Variants in AKAP13 observed in about 807,000 individuals in gnomAD.
The protein encoded by AKAP13 is A-kinase anchor protein 13.
In AKAP13, 80 loss-of-function variants were observed where a neutral mutation model predicts 264.5. The observed-to-expected ratio is 0.30, with a 90% CI of 0.25 to 0.36. AKAP13 has a LOEUF of 0.36. AKAP13 is among the 10% of genes least tolerant of loss of function. AKAP13 has a pLI of 1.00. For synonymous variants in AKAP13, 1,380 were observed against 1,250.2 expected, an observed-to-expected ratio of 1.10 and a Z score of -2.19; for missense variants, 3,712 against 3,435.2, an observed-to-expected ratio of 1.08 and a Z score of -2.01.
chr15:85,585,424 A>T (rs2079299211), intron 7 of AKAP13, among the ~76,000 whole-genome samples: 1 of 152,222 alleles, frequency 6.6e-6, no homozygotes, highest in Non-Finnish European at 1.5e-5. Context: ...ATTTGTCATA[A>T]AAAGTCAATA....
intron 3 of AKAP13, among the ~76,000 whole-genome samples, chr15:85,522,174 C>T (rs529905581): frequency 1.1e-4 from 17 of 152,246 alleles, no homozygotes; most frequent in African/African-American, 4.1e-4. Context: ...GAAACAGCTT[C>T]TTAACCTAGG....
rs771276525 is a variant in AKAP13 at position 85,579,389 on chromosome 15, A to G, written c.1321A>G (p.Ser441Gly). ...GMPTDQESLS[S>G]GDAVLQRDLV... ...GCCCACAGACCAGGAGTCCCTGAGC[A>G]GTGGAGATGCTGTGCTTCAGAGAGA... is the stretch of plus-strand genomic sequence containing the variant. The change falls in exon 7 of 37, where the codon AGT (serine) becomes GGT (glycine). Residue 441 changes from serine to glycine, a missense_variant. This residue lies in a region of AKAP13 where 2,759 missense variants were observed against 2,411.7 expected (regional missense o/e 1.14). Coordinates refer to ENST00000394518, the MANE Select transcript of AKAP13 (RefSeq NM_007200.5). The G allele has an allele frequency of 5.0e-6, 8 of 1,614,046 alleles. No homozygotes were observed. The Admixed American group carries it at 1.0e-4, about 20-fold the overall frequency.
At position 85,510,945 on chromosome 15, in the gene AKAP13, C is replaced by T. The variant is rs143017044; in HGVS notation, c.34-10483C>T. ...TGGCAAATCCCATGTTTTTAGGTGGCGCTTGAGTTTGGGTTCCTCTTGGGT... is the reference window on the plus strand; with the variant it reads ...TGGCAAATCCCATGTTTTTAGGTGGTGCTTGAGTTTGGGTTCCTCTTGGGT... On this transcript the variant is annotated intron_variant, in intron 2 of 36. Transcript: ENST00000394518. Among the ~76,000 whole-genome samples the T allele has an allele frequency of 7.2e-5, 11 of 152,088 alleles. 1 individual carries two copies. The highest frequency in any genetic ancestry group is 2.6e-4 in the Admixed American group (4 of 15,270).
chr15:85,505,505 A>G lies in AKAP13; in HGVS notation c.34-15923A>G, dbSNP rs1233102849. Among the ~76,000 whole-genome samples, 6 of 152,358 alleles carry G rather than the reference A, an allele frequency of 3.9e-5. No individual in the cohort carries two copies. The East Asian group carries it at 7.7e-4, about 20-fold the overall frequency. ...ACAGGTTATAGGGATTTCATTGGCCAGTATCTTTATTGGGCAAAAGATTAG... is the reference window on the plus strand; with the variant it reads ...ACAGGTTATAGGGATTTCATTGGCCGGTATCTTTATTGGGCAAAAGATTAG... On this transcript the variant is annotated intron_variant, in intron 2 of 36. Coordinates refer to ENST00000394518, the MANE Select transcript of AKAP13 (RefSeq NM_007200.5).
At chr15:85,465,307 G>C (rs1292489867) in intron 1 of AKAP13, among the ~76,000 whole-genome samples, 1 of 151,964 alleles carries the variant, frequency 6.6e-6, no homozygotes, top group Non-Finnish European at 1.5e-5. Flanking sequence ...GTAGGCTAGA[G>C]ATCTTTTAAA....
intron 3 of AKAP13, among the ~76,000 whole-genome samples, chr15:85,524,647 G>C (rs1046580156): frequency 2.0e-5 from 3 of 152,104 alleles, no homozygotes; most frequent in African/African-American, 7.2e-5. Context: ...ATGTTAGTCT[G>C]TAACCTTTTA....
chr15:85,517,153 T>C (rs979126356), intron 2 of AKAP13, among the ~76,000 whole-genome samples: 1 of 152,218 alleles, frequency 6.6e-6, no homozygotes, highest in Non-Finnish European at 1.5e-5. Context: ...TGAAAATCTA[T>C]GGCTGACACT....
At chr15:85,738,567 G>T (rs1354819572) in intron 33 of AKAP13, among the ~76,000 whole-genome samples, 1 of 151,962 alleles carries the variant, frequency 6.6e-6, no homozygotes, top group Non-Finnish European at 1.5e-5. Flanking sequence ...AATAGCTACC[G>T]TTAAATGTTT....
chr15:85,677,690 C>T (rs1427939763), intron 14 of AKAP13, among the ~76,000 whole-genome samples: 3 of 147,048 alleles, frequency 2.0e-5, no homozygotes, highest in Non-Finnish European at 4.5e-5. Flanking sequence ...CTCACTCTGT[C>T]GCCCAGGCTG....
intron 8 of AKAP13, among the ~76,000 whole-genome samples, chr15:85,601,648 G>GTGTT (rs1228684653): frequency 1.4e-5 from 2 of 147,768 alleles, no homozygotes; most frequent in African/African-American, 2.5e-5. Flanking sequence ...GTGTGTGTGT[G>GTGTT]TTTTTCTTCC....
intron 1 of AKAP13, among the ~76,000 whole-genome samples, chr15:85,428,525 T>G (rs1007353759): frequency 6.6e-6 from 1 of 152,252 alleles, no homozygotes; most frequent in Non-Finnish European, 1.5e-5. Context: ...CTGTGAAGGC[T>G]GGAAGCTGTT....
At chr15:85,617,993 T>C (rs1009432733) in intron 8 of AKAP13, among the ~76,000 whole-genome samples, 2 of 152,224 alleles carry the variant, frequency 1.3e-5, no homozygotes, top group Non-Finnish European at 2.9e-5. Flanking sequence ...CACATGTTGG[T>C]ACCACTACAG....
intron 1 of AKAP13, among the ~76,000 whole-genome samples, chr15:85,423,343 A>G (rs1244067879): frequency 6.6e-6 from 1 of 152,226 alleles, no homozygotes. Context: ...CCCTGCTGCT[A>G]GTTGATCAAC....
intron 5 of AKAP13, among the ~76,000 whole-genome samples, chr15:85,574,702 G>A (rs1323844472): frequency 6.6e-6 from 1 of 152,166 alleles, no homozygotes; most frequent in Admixed American, 6.5e-5. Flanking sequence ...GTTGGAGTGA[G>A]TGGTTCTTCT....
chr15:85,540,418 T>TA (rs2077546530), intron 4 of AKAP13, among the ~76,000 whole-genome samples: 1 of 152,170 alleles, frequency 6.6e-6, no homozygotes, highest in Admixed American at 6.5e-5. Context: ...AAGCTATTAT[T>TA]ATGACGACAA....
At position 85,415,560 on chromosome 15, in the gene AKAP13, A is replaced by G. The variant is rs1223611004; in HGVS notation, c.-12+34762A>G. ...GGAAAACACAATAAGAAGAAAATTG[A>G]AAGATGGGAAATTAGTGGTGGACTG... On this transcript the variant is annotated intron_variant, in intron 1 of 36. Transcript: ENST00000394518. 3 of 1,438,470 alleles carry G rather than the reference A, an allele frequency of 2.1e-6. No homozygotes were observed. In the African/African-American group the frequency reaches 4.2e-5, roughly 20 times the overall value. The allele number at this position is 1,438,470 out of a possible 1,614,324, so 89.1% of individuals were successfully genotyped here.
intron 1 of AKAP13, among the ~76,000 whole-genome samples, chr15:85,392,752 T>A (rs1011622364): frequency 7.9e-5 from 12 of 152,158 alleles, no homozygotes; most frequent in African/African-American, 2.9e-4. Context: ...GAAAAATTGT[T>A]AGCACATACT....
At chr15:85,485,633 C>G (rs1157508302) in intron 1 of AKAP13, 77 bp from the exon 2 acceptor site, 2 of 1,297,248 alleles carry the variant, frequency 1.5e-6, no homozygotes, top group African/African-American at 2.9e-5. Flanking sequence ...ATGCTTGACA[C>G]CTAGGACTTT....
chr15:85,699,383 G>A (rs2085768144), intron 17 of AKAP13, among the ~76,000 whole-genome samples: 1 of 151,966 alleles, frequency 6.6e-6, no homozygotes, highest in African/African-American at 2.4e-5. Flanking sequence ...GGCAGAGGTT[G>A]CAGTGAGCCA....
Sources: gnomAD v4.1 joint callset for allele counts (sites outside exome capture counted in the v4.1 genomes callset) on GRCh38, gnomAD v4.1.1 for gene constraint, gnomAD v4.1.1 regional missense constraint, MANE v1.5 for transcripts, NCBI Gene and HGNC (gene_info 2026-07-23, HGNC 2026-07-21) for gene names.